The following GAS7 variants were observed in gnomAD, a reference collection of about 807,000 sequenced individuals.
The protein encoded by GAS7 is growth arrest specific 7.
A neutral mutation model predicts 71.1 loss-of-function variants in GAS7; 28 were observed. That is an observed-to-expected ratio of 0.39 (90% CI 0.29 to 0.54). The LOEUF is 0.54. Ranked by LOEUF, GAS7 falls within the 20% of genes least tolerant of loss-of-function variation. GAS7 has a pLI of 0.62. For missense variants in GAS7, 436 were observed against 627.8 expected (o/e 0.69, Z 3.27); for synonymous variants, 258 against 245.8 (o/e 1.05, Z -0.46).
At chr17:10,058,756 A>C (rs1206761779) in intron 1 of GAS7, among the ~76,000 whole-genome samples, 1 of 152,216 alleles carries the variant, frequency 6.6e-6, no homozygotes, top group East Asian at 1.9e-4. Flanking sequence ...CACTGGCCGT[A>C]ACATTGACTC....
chr17:10,131,440 T>C (rs1434453735), intron 1 of GAS7, among the ~76,000 whole-genome samples: 1 of 152,128 alleles, frequency 6.6e-6, no homozygotes, highest in Non-Finnish European at 1.5e-5. Context: ...CTGGCCAACA[T>C]GGCAAAACCC....
intron 1 of GAS7, among the ~76,000 whole-genome samples, chr17:10,194,930 A>G (rs567256104): frequency 2.0e-5 from 3 of 151,626 alleles, no homozygotes; most frequent in Admixed American, 6.6e-5. Context: ...AACCCTCAGG[A>G]AAGATTTTTC....
At chr17:10,003,574 C>T (rs3786078) in intron 2 of GAS7, among the ~76,000 whole-genome samples, 35,553 of 152,090 alleles carry the variant, frequency 0.23, 6,320 homozygotes, top group African/African-American at 0.5. Flanking sequence ...TGGCTTTCGA[C>T]TGACCTCACA....
intron 1 of GAS7, among the ~76,000 whole-genome samples, chr17:10,078,784 C>A (rs1214439814): frequency 6.6e-6 from 1 of 152,222 alleles, no homozygotes; most frequent in Non-Finnish European, 1.5e-5. Context: ...TGCAGCAGCT[C>A]ATGCCTATAA....
chr17:10,073,731 G>T (rs557119719), intron 1 of GAS7, among the ~76,000 whole-genome samples: 2 of 152,168 alleles, frequency 1.3e-5, no homozygotes, highest in Admixed American at 1.3e-4. Flanking sequence ...GATCAAGTGC[G>T]TGACAGCTAC....
chr17:9,927,490 A>C (rs1401291862), intron 9 of GAS7, among the ~76,000 whole-genome samples: 1 of 151,548 alleles, frequency 6.6e-6, no homozygotes, highest in African/African-American at 2.4e-5. Context: ...AAAAAAAAAA[A>C]ACAAAACAAA....
At chr17:10,014,763 C>G (rs894063339) in intron 2 of GAS7, among the ~76,000 whole-genome samples, 1 of 152,182 alleles carries the variant, frequency 6.6e-6, no homozygotes, top group African/African-American at 2.4e-5. Context: ...TCTGAGATCA[C>G]AGACAGCATC....
chr17:10,011,747 C>T (rs553983497), intron 2 of GAS7, among the ~76,000 whole-genome samples: 1 of 152,074 alleles, frequency 6.6e-6, no homozygotes, highest in Non-Finnish European at 1.5e-5. Context: ...GAGGCCGAGG[C>T]GGGTGGATCA....
chr17:10,091,716 G>A lies in GAS7; in HGVS notation c.184-71819C>T, dbSNP rs570309370. Reference sequence around the variant, plus strand: ...TTTGTTTTTGAGACAGAGTCTAGCTGTGTCACCCAGGCTGGAGTGCAGTGA... The same window carrying A: ...TTTGTTTTTGAGACAGAGTCTAGCTATGTCACCCAGGCTGGAGTGCAGTGA... On this transcript the variant is annotated intron_variant, in intron 1 of 13. Coordinates refer to ENST00000432992, the MANE Select transcript of GAS7 (RefSeq NM_201433.2). 3.9e-5 allele frequency among the ~76,000 whole-genome samples: 6 copies of A among 152,124 alleles called. No individual in the cohort carries two copies. In the East Asian group the frequency reaches 9.7e-4, roughly 25 times the overall value.
At chr17:10,116,340 A>G (rs145960266) in intron 1 of GAS7, among the ~76,000 whole-genome samples, 138 of 151,532 alleles carry the variant, frequency 9.1e-4, no homozygotes, top group African/African-American at 3.1e-3. Context: ...TTGGGTTTAG[A>G]GATCAGCTGG....
chr17:10,165,588 G>A (rs1375134865), intron 1 of GAS7, among the ~76,000 whole-genome samples: 1 of 152,230 alleles, frequency 6.6e-6, no homozygotes, highest in Non-Finnish European at 1.5e-5. Flanking sequence ...CTTTTGCCAA[G>A]AGTGTCTTTA....
intron 1 of GAS7, among the ~76,000 whole-genome samples, chr17:10,065,000 T>G (rs562524710): frequency 9.5e-6 from 1 of 104,990 alleles, no homozygotes; most frequent in East Asian, 2.1e-4. Context: ...TATTTTTTAT[T>G]TATACAGATG....
At chr17:10,185,335 C>G (rs553426137) in intron 1 of GAS7, among the ~76,000 whole-genome samples, 1 of 152,106 alleles carries the variant, frequency 6.6e-6, no homozygotes, top group Non-Finnish European at 1.5e-5. Flanking sequence ...CCCCATATGC[C>G]CTGGCATTGA....
At chr17:10,150,648 GC>G (rs2074158731) in intron 1 of GAS7, among the ~76,000 whole-genome samples, 1 of 141,626 alleles carries the variant, frequency 7.1e-6, no homozygotes, top group Non-Finnish European at 1.5e-5. Flanking sequence ...GAGTGCAGTG[GC>G]ACGATCTCGG....
chr17:10,020,737 C>A (rs1040708489), intron 1 of GAS7, among the ~76,000 whole-genome samples: 1 of 152,168 alleles, frequency 6.6e-6, no homozygotes. Flanking sequence ...CACGGTGAAA[C>A]CCCACCTCTA....
At chr17:10,181,228 T>G (rs544172227) in intron 1 of GAS7, among the ~76,000 whole-genome samples, 1 of 146,064 alleles carries the variant, frequency 6.8e-6, no homozygotes, top group Non-Finnish European at 1.5e-5. Flanking sequence ...GGCGTGGTGG[T>G]GCATGCCTGT....
chr17:10,046,194 AG>A (rs2072952208), intron 1 of GAS7, among the ~76,000 whole-genome samples: 1 of 152,118 alleles, frequency 6.6e-6, no homozygotes. Context: ...CCACAACGAC[AG>A]GAACACGGTA....
In GAS7 at chr17:10,108,871, T is replaced by C. The variant is rs996232924; in HGVS notation, c.184-88974A>G. ...AGACTTAAACTAAGGCTCGAAACTATAAAACTACTAGAAAGAACACTTCAG... is the reference window on the plus strand; with the variant it reads ...AGACTTAAACTAAGGCTCGAAACTACAAAACTACTAGAAAGAACACTTCAG... On this transcript the variant is annotated intron_variant, in intron 1 of 13. Coordinates refer to ENST00000432992, the MANE Select transcript of GAS7 (RefSeq NM_201433.2). Among the ~76,000 whole-genome samples the C allele has an allele frequency of 6.6e-5, 10 of 152,212 alleles. 1 individual carries two copies. The highest frequency in any genetic ancestry group is 2.1e-4 in the South Asian group (1 of 4,828).
intron 1 of GAS7, among the ~76,000 whole-genome samples, chr17:10,131,386 G>A (rs1267554154): frequency 6.6e-6 from 1 of 152,166 alleles, no homozygotes; most frequent in Admixed American, 6.5e-5. Context: ...ACTTTGGGAG[G>A]CCAAGGCAGG....
Sources: gnomAD v4.1 joint callset for allele counts (sites outside exome capture counted in the v4.1 genomes callset) on GRCh38, gnomAD v4.1.1 for gene constraint, MANE v1.5 for transcripts, NCBI Gene and HGNC (gene_info 2026-07-23, HGNC 2026-07-21) for gene names.